The following ROBO2 variants were observed in gnomAD, a reference collection of about 807,000 sequenced individuals.
ROBO2 encodes roundabout homolog 2.
Under a neutral mutation model 160.8 loss-of-function variants are expected in ROBO2, and 53 were observed. The ratio of observed to expected loss-of-function variants is 0.33; its 90% CI spans 0.26 to 0.41. The LOEUF (loss-of-function observed/expected upper bound fraction) is 0.41. ROBO2 is among the 10% of genes least tolerant of loss of function. The probability of loss-of-function intolerance (pLI) is 1.00; values close to 1 mark genes in which losing one functional copy is unlikely to be tolerated. For synonymous variants in ROBO2, 664 were observed against 611.7 expected, an observed-to-expected ratio of 1.09 and a Z score of -1.26; for missense variants, 1,577 against 1,722.4, an observed-to-expected ratio of 0.92 and a Z score of 1.49.
chr3:75,996,372 C>T (rs2065726050), intron 2 of ROBO2, among the ~76,000 whole-genome samples: 1 of 152,146 alleles, frequency 6.6e-6, no homozygotes, highest in Non-Finnish European at 1.5e-5. Context: ...TCCTGGCACT[C>T]ATTCTCTCTC....
chr3:76,321,123 G>T (rs1482565355), intron 2 of ROBO2, among the ~76,000 whole-genome samples: 1 of 152,158 alleles, frequency 6.6e-6, no homozygotes, highest in Admixed American at 6.6e-5. Context: ...TGCATGACCT[G>T]TAAATTATGC....
At chr3:76,411,903 C>T (rs1474431621) in intron 2 of ROBO2, among the ~76,000 whole-genome samples, 1 of 152,188 alleles carries the variant, frequency 6.6e-6, no homozygotes, top group Non-Finnish European at 1.5e-5. Flanking sequence ...CATCCTCTGT[C>T]TTTTCCCTTC....
At chr3:76,153,288 A>G (rs2072278748) in intron 2 of ROBO2, among the ~76,000 whole-genome samples, 1 of 152,188 alleles carries the variant, frequency 6.6e-6, no homozygotes, top group African/African-American at 2.4e-5. Context: ...CTGGTAAAAC[A>G]CAGAAATGAA....
chr3:77,164,567 C>G (rs1266388508), intron 2 of ROBO2, among the ~76,000 whole-genome samples: 1 of 142,302 alleles, frequency 7.0e-6, no homozygotes, highest in African/African-American at 2.6e-5. Flanking sequence ...GCCAGCCGCC[C>G]CGTCCGGGAG....
chr3:75,915,901 C>G (rs1311098210), intron 1 of ROBO2, among the ~76,000 whole-genome samples: 1 of 152,142 alleles, frequency 6.6e-6, no homozygotes, highest in Non-Finnish European at 1.5e-5. Context: ...ACAATTTTTA[C>G]TAAACTCACG....
intron 7 of ROBO2, among the ~76,000 whole-genome samples, chr3:77,547,708 C>T (rs1008441837): frequency 2.0e-5 from 3 of 151,966 alleles, no homozygotes; most frequent in South Asian, 2.1e-4. Context: ...TGGAGTCATT[C>T]CTCTTGTGAT....
intron 2 of ROBO2, among the ~76,000 whole-genome samples, chr3:76,185,815 A>G (rs1478541117): frequency 6.6e-6 from 1 of 152,134 alleles, no homozygotes; most frequent in Non-Finnish European, 1.5e-5. Context: ...CCAAATGGAG[A>G]TATTAAGCAG....
rs567990351 is a variant in ROBO2 at position 77,335,527 on chromosome 3, C to G, written c.389-141887C>G. Reference sequence around the variant, plus strand: ...ACAAACATGATAGTATTTAGTTTGCCAAAATGTAAATATTTTCCACTTCTA... The same window carrying G: ...ACAAACATGATAGTATTTAGTTTGCGAAAATGTAAATATTTTCCACTTCTA... On this transcript the variant is annotated intron_variant, in intron 2 of 25. Transcript: ENST00000461745. 3.9e-5 allele frequency among the ~76,000 whole-genome samples: 6 copies of G among 152,192 alleles called. No individual in the cohort carries two copies. The South Asian group carries it at 1.2e-3, about 32-fold the overall frequency.
At chr3:76,949,986 T>C (rs1271985360) in intron 2 of ROBO2, among the ~76,000 whole-genome samples, 1 of 152,254 alleles carries the variant, frequency 6.6e-6, no homozygotes, top group African/African-American at 2.4e-5. Context: ...GCTGAACCTA[T>C]TCTCTTTCTC....
intron 2 of ROBO2, among the ~76,000 whole-genome samples, chr3:77,030,289 C>T (rs1459201545): frequency 6.6e-6 from 1 of 152,118 alleles, no homozygotes; most frequent in Non-Finnish European, 1.5e-5. Context: ...TTTAAGTAAA[C>T]TTTATACATT....
At chr3:76,776,756 G>A (rs2062292605) in intron 2 of ROBO2, among the ~76,000 whole-genome samples, 1 of 150,796 alleles carries the variant, frequency 6.6e-6, no homozygotes. Context: ...ATCTCAAAGA[G>A]GCTAATACTA....
At chr3:77,647,843 C>T (rs1320799250) in exon 26 of ROBO2, 1 of 152,100 alleles carries the variant, frequency 6.6e-6, no homozygotes, top group Non-Finnish European at 1.5e-5. Context: ...GCACTCCATG[C>T]ATTATTGGCT....
intron 2 of ROBO2, chr3:76,434,797 G>A: frequency 1.5e-6 from 2 of 1,360,530 alleles, no homozygotes; most frequent in Non-Finnish European, 2.1e-6. Context: ...CAGGGGGAGA[G>A]CATCACACAT....
chr3:77,143,553 A>G (rs2076892228), intron 2 of ROBO2, among the ~76,000 whole-genome samples: 1 of 152,120 alleles, frequency 6.6e-6, no homozygotes, highest in Non-Finnish European at 1.5e-5. Context: ...TTAAAGTGTC[A>G]GACATCACTT....
At chr3:76,708,612 CA>C (rs956347848) in intron 2 of ROBO2, among the ~76,000 whole-genome samples, 2 of 152,156 alleles carry the variant, frequency 1.3e-5, no homozygotes, top group Non-Finnish European at 2.9e-5. Flanking sequence ...AGCAGAAAAA[CA>C]AAAAGCCTAT....
At chr3:75,920,258 A>G (rs1454045711) in intron 1 of ROBO2, among the ~76,000 whole-genome samples, 1 of 152,026 alleles carries the variant, frequency 6.6e-6, no homozygotes, top group Non-Finnish European at 1.5e-5. Flanking sequence ...CAAAGAACTT[A>G]TTTATTTCTG....
intron 2 of ROBO2, among the ~76,000 whole-genome samples, chr3:77,233,817 T>C (rs2087559910): frequency 6.6e-6 from 1 of 152,320 alleles, no homozygotes; most frequent in African/African-American, 2.4e-5. Context: ...AAAATAATAC[T>C]TAAATGAAAT....
chr3:76,728,747 A>C (rs1448951601), intron 2 of ROBO2, among the ~76,000 whole-genome samples: 1 of 152,228 alleles, frequency 6.6e-6, no homozygotes, highest in Non-Finnish European at 1.5e-5. Flanking sequence ...TGTGAATACA[A>C]GTAGAAATGG....
At chr3:77,598,047 G>C (rs1432571194) in intron 19 of ROBO2, among the ~76,000 whole-genome samples, 1 of 152,062 alleles carries the variant, frequency 6.6e-6, no homozygotes, top group Non-Finnish European at 1.5e-5. Flanking sequence ...TGATTAATTA[G>C]AATAGTGCTG....
Sources: allele counts gnomAD v4.1 joint callset (sites outside exome capture counted in the v4.1 genomes callset), GRCh38; gene constraint gnomAD v4.1.1; transcripts MANE v1.5; gene names NCBI Gene and HGNC (gene_info 2026-07-23, HGNC 2026-07-21).